SPOCK3: variants seen among roughly 807,000 people sequenced by gnomAD.
SPOCK3 encodes the protein SPARC (osteonectin), cwcv and kazal like domains proteoglycan 3, also known as testican-3.
In SPOCK3, 30 loss-of-function variants were observed where a neutral mutation model predicts 56.6. That is an observed-to-expected ratio of 0.53 (90% CI 0.40 to 0.72). The LOEUF (loss-of-function observed/expected upper bound fraction) is 0.72, where lower values mean the gene tolerates loss of function less well. Among genes scored for constraint, SPOCK3 ranks in the 30% least tolerant of loss-of-function variants. The pLI is 0.00. For missense variants in SPOCK3, 527 were observed against 530.0 expected (o/e 0.99, Z 0.06); for synonymous variants, 196 against 183.3 (o/e 1.07, Z -0.56).
intron 2 of SPOCK3, among the ~76,000 whole-genome samples, chr4:167,109,080 A>T (rs1161542555): frequency 4.6e-4 from 3 of 6,484 alleles, no homozygotes; most frequent in Non-Finnish European, 8.2e-4. Flanking sequence ...TATTTATATA[A>T]AAATATATAT....
chr4:166,840,142 A>G (rs781034557), intron 6 of SPOCK3, among the ~76,000 whole-genome samples: 3 of 152,228 alleles, frequency 2.0e-5, no homozygotes, highest in Non-Finnish European at 4.4e-5. Context: ...GTACCTCATT[A>G]TCTCCAGCGG....
intron 3 of SPOCK3, among the ~76,000 whole-genome samples, chr4:167,038,422 T>A (rs1580086493): frequency 6.6e-6 from 1 of 152,324 alleles, no homozygotes; most frequent in South Asian, 2.1e-4. Flanking sequence ...TCTGATTATC[T>A]ACAAATTTAT....
chr4:167,046,189 T>C (rs1034421670), intron 3 of SPOCK3, among the ~76,000 whole-genome samples: 2 of 152,098 alleles, frequency 1.3e-5, no homozygotes, highest in African/African-American at 4.8e-5. Context: ...TTGTGTTTGA[T>C]TCTCTACAGG....
At chr4:167,006,517 CAT>C (rs1749486012) in intron 3 of SPOCK3, among the ~76,000 whole-genome samples, 1 of 152,092 alleles carries the variant, frequency 6.6e-6, no homozygotes, top group Admixed American at 6.5e-5. Flanking sequence ...CTTATGCTTA[CAT>C]ATGTTACTTT....
chr4:167,062,558 A>C (rs1206315937), intron 2 of SPOCK3, 21 bp from the exon 3 acceptor site: 3 of 1,584,968 alleles, frequency 1.9e-6, no homozygotes, highest in Non-Finnish European at 2.6e-6. Context: ...AAATAATGTG[A>C]ATTGAGTGTA....
Position 167,054,724 on chromosome 4 carries a change from C to G in SPOCK3, c.235+7768G>C, listed in dbSNP as rs564688254. Among the ~76,000 whole-genome samples the G allele has an allele frequency of 3.9e-5, 6 of 152,070 alleles. No homozygotes were observed. In the South Asian group the frequency reaches 1.2e-3, roughly 32 times the overall value. On this transcript the variant is annotated intron_variant, in intron 3 of 10. Transcript: ENST00000357545. ...GTTTTAGTGGTAAAACATAAAGAAA[C>G]TGGAAAAATGATTGATTAAAAGAAA...
At chr4:166,788,347 G>A (rs1214816384) in intron 7 of SPOCK3, among the ~76,000 whole-genome samples, 3 of 151,988 alleles carry the variant, frequency 2.0e-5, no homozygotes, top group Admixed American at 6.6e-5. Flanking sequence ...AATGTTAGAG[G>A]TATGTTAGAT....
intron 4 of SPOCK3, among the ~76,000 whole-genome samples, chr4:166,934,351 C>T (rs969762116): frequency 4.7e-5 from 6 of 126,474 alleles, no homozygotes; most frequent in African/African-American, 1.1e-4. Context: ...AAAAAAAATT[C>T]GTCAGGTGTG....
chr4:166,850,917 G>A (rs922431246), intron 6 of SPOCK3, among the ~76,000 whole-genome samples: 14 of 152,264 alleles, frequency 9.2e-5, no homozygotes, highest in South Asian at 4.1e-4. Flanking sequence ...GCCCAGGCTT[G>A]CTTAGGTAAA....
chr4:167,234,918 T>C (rs1737565789), upstream of SPOCK3: 1 of 152,290 alleles, frequency 6.6e-6, no homozygotes, highest in Non-Finnish European at 1.5e-5. Flanking sequence ...TTTCCAGGGT[T>C]GTCAGGCAGA....
rs776872801 is a variant in SPOCK3 at position 166,937,321 on chromosome 4, T to C, written c.351-24578A>G. Among the ~76,000 whole-genome samples, 6 of 151,612 alleles carry C rather than the reference T, an allele frequency of 4.0e-5. No individual in the cohort carries two copies. The East Asian group carries it at 9.7e-4, about 24-fold the overall frequency. On this transcript the variant is annotated intron_variant, in intron 4 of 10. Transcript: ENST00000357545. ...TTACCATGGAGAATCTTAGAAAATG[T>C]AGCATTTGATCAAGGCTATGAATGA...
chr4:166,826,796 A>T (rs1453254256), intron 6 of SPOCK3, among the ~76,000 whole-genome samples: 1 of 151,770 alleles, frequency 6.6e-6, no homozygotes, highest in Non-Finnish European at 1.5e-5. Context: ...TATGTCACTC[A>T]CCCCTTTGTA....
chr4:166,900,717 C>G (rs1446730462), intron 5 of SPOCK3, among the ~76,000 whole-genome samples: 25 of 152,078 alleles, frequency 1.6e-4, no homozygotes, highest in Admixed American at 1.6e-3. Flanking sequence ...ATGGGTCTCT[C>G]TTTATAAAAC....
intron 6 of SPOCK3, among the ~76,000 whole-genome samples, chr4:166,822,440 T>C (rs757544726): frequency 6.6e-6 from 1 of 152,040 alleles, no homozygotes; most frequent in Non-Finnish European, 1.5e-5. Context: ...TGGCTATTAT[T>C]TTTAAATGTC....
rs1754064842 is a variant in SPOCK3 at position 167,050,154 on chromosome 4, C to T, written c.235+12338G>A. ...TATTCTCAAAGCCCTTTGGTACCTG[C>T]TTCTGGCACCAGATCTGAAAGGTGA... On this transcript the variant is annotated intron_variant, in intron 3 of 10. Coordinates refer to ENST00000357545, the MANE Select transcript of SPOCK3 (RefSeq NM_001040159.2). Among the ~76,000 whole-genome samples the T allele has an allele frequency of 2.0e-5, 3 of 152,240 alleles. No homozygotes were observed. In the South Asian group the frequency reaches 6.2e-4, roughly 32 times the overall value.
At chr4:167,051,933 TATATTTGATTACAATTTAATAAC>T (rs1157455983) in intron 3 of SPOCK3, among the ~76,000 whole-genome samples, 1 of 152,232 alleles carries the variant, frequency 6.6e-6, no homozygotes, top group Non-Finnish European at 1.5e-5. Flanking sequence ...TCCTGCTCTA[TATATTTGATTACAATTTAATAAC>T]ATATAAGGAA....
At chr4:167,074,067 A>T (rs76620559) in intron 2 of SPOCK3, among the ~76,000 whole-genome samples, 9,426 of 151,778 alleles carry the variant, frequency 0.062, 459 homozygotes, top group African/African-American at 0.14. Context: ...AAAAAAAAAA[A>T]ATAGCTAGTT....
chr4:167,133,249 T>C (rs987543685), intron 2 of SPOCK3, among the ~76,000 whole-genome samples: 4 of 152,008 alleles, frequency 2.6e-5, no homozygotes, highest in African/African-American at 7.3e-5. Flanking sequence ...GCATGAAAGA[T>C]GTAAGGATGG....
At chr4:167,209,997 G>C (rs189815443) in intron 2 of SPOCK3, among the ~76,000 whole-genome samples, 1 of 152,228 alleles carries the variant, frequency 6.6e-6, no homozygotes, top group Admixed American at 6.5e-5. Flanking sequence ...CTCTGACTTT[G>C]TGGATATCCA....
Sources: gnomAD v4.1 joint callset for allele counts (sites outside exome capture counted in the v4.1 genomes callset) on GRCh38, gnomAD v4.1.1 for gene constraint, MANE v1.5 for transcripts, NCBI Gene and HGNC (gene_info 2026-07-23, HGNC 2026-07-21) for gene names.